Variants in GPRIN3 observed in about 807,000 individuals in gnomAD.
GPRIN3 encodes GPRIN family member 3, also known as G protein-regulated inducer of neurite outgrowth 3.
Under a neutral mutation model 13.7 loss-of-function variants are expected in GPRIN3, and 12 were observed. The ratio of observed to expected loss-of-function variants is 0.87; its 90% CI spans 0.56 to 1.42. The LOEUF is 1.42. GPRIN3 is among the 40% of genes most tolerant of loss of function. The pLI, the probability that GPRIN3 is intolerant of heterozygous loss-of-function variation, is 0.00. For missense variants in GPRIN3, 1,009 were observed against 958.7 expected, an observed-to-expected ratio of 1.05 and a Z score of -0.69; for synonymous variants, 377 against 372.7, an observed-to-expected ratio of 1.01 and a Z score of -0.13.
intron 1 of GPRIN3, among the ~76,000 whole-genome samples, chr4:89,280,462 T>C (rs1397150395): frequency 6.6e-6 from 1 of 152,200 alleles, no homozygotes; most frequent in Non-Finnish European, 1.5e-5. Flanking sequence ...AAGCTTCATG[T>C]CTCTTGTTAG....
At position 89,247,142 on chromosome 4, in the gene GPRIN3, A is replaced by G. The variant is rs1198468873; in HGVS notation, c.*638T>C. The G allele has an allele frequency of 1.3e-5, 2 of 152,262 alleles. No individual in the cohort carries two copies. Among genetic ancestry groups the G allele is most frequent in the Non-Finnish European group, 2.9e-5 (2 of 68,048 alleles). 9.4% of individuals were successfully genotyped at this position (152,262 alleles called of 1,614,324 possible). ...ATATAACTTTCTTATATTTATTAAC[A>G]GCAATAAGAAGGTTTATAAAAAGAG... On this transcript the variant is annotated 3_prime_UTR_variant, in exon 2 of 2. Transcript: ENST00000609438.
chr4:89,280,181 A>G (rs563427277), intron 1 of GPRIN3, among the ~76,000 whole-genome samples: 8 of 152,094 alleles, frequency 5.3e-5, no homozygotes, highest in South Asian at 4.2e-4. Flanking sequence ...AATATCTCCT[A>G]TGTCTACCCA....
rs79191248 is a variant in GPRIN3, at chr4:89,299,296, C to T, written c.-124+8319G>A. On this transcript the variant is annotated intron_variant, in intron 1 of 1. Transcript: ENST00000609438. ...TCGGCACTGTCTTCTCGGAGTGAAG[C>T]TGTTGAAACACCGACACTTTAGGAT... is the stretch of plus-strand genomic sequence containing the variant. Among the ~76,000 whole-genome samples the T allele has an allele frequency of 4.3e-3, 659 of 152,172 alleles. 7 individuals carry two copies. Among genetic ancestry groups the T allele is most frequent in the Middle Eastern group, 0.024 (7 of 294 alleles).
chr4:89,248,460 A>C lies in GPRIN3; in HGVS notation c.1651T>G (p.Ser551Ala), dbSNP rs1388108987. Reference sequence around the variant, plus strand: ...GCATCCGAGGTATCAGTGCCAGTAGACTCTTTTTCTTTTACTACCTGAGGA... The same window carrying C: ...GCATCCGAGGTATCAGTGCCAGTAGCCTCTTTTTCTTTTACTACCTGAGGA... Reference protein sequence around the residue: ...ASPQVVKEKESTGTDTSDAKT... With the variant: ...ASPQVVKEKEATGTDTSDAKT... The change falls in exon 2 of 2, where the codon TCT becomes GCT. Residue 551 changes from serine to alanine, a missense_variant. Ser to Ala is a moderately conservative substitution (Grantham distance 99). Coordinates refer to ENST00000609438, the MANE Select transcript of GPRIN3 (RefSeq NM_198281.3). 16 of 1,612,000 alleles carry C rather than the reference A, an allele frequency of 9.9e-6. No homozygotes were observed. The highest frequency in any genetic ancestry group is 5.9e-6 in the Non-Finnish European group (7 of 1,179,382).
chr4:89,283,918 A>C (rs900114766), intron 1 of GPRIN3, among the ~76,000 whole-genome samples: 3 of 152,210 alleles, frequency 2.0e-5, no homozygotes, highest in African/African-American at 7.2e-5. Context: ...TTTGTAAGTG[A>C]AACTGTGAGA....
In GPRIN3 at chr4:89,248,823, C is replaced by T. The variant is rs1217485364; in HGVS notation, c.1288G>A (p.Ala430Thr). The T allele has an allele frequency of 3.1e-6, 5 of 1,614,034 alleles. No homozygotes were observed. In the South Asian group the frequency reaches 3.3e-5, roughly 11 times the overall value. ...TSSINLVSSN[A>T]QHTCKEDGRL... is the part of the protein sequence containing the mutation. ...CCATCTTCTTTACACGTATGCTGGGCATTACTGGAGACCAAATTGATTGAT... is the reference window on the plus strand; with the variant it reads ...CCATCTTCTTTACACGTATGCTGGGTATTACTGGAGACCAAATTGATTGAT... The change falls in exon 2 of 2, where the codon GCC becomes ACC. Residue 430 changes from alanine (A) to threonine (T), a missense_variant. By Grantham distance (58) the Ala-to-Thr change is moderately conservative. Coordinates refer to ENST00000609438, the MANE Select transcript of GPRIN3 (RefSeq NM_198281.3).
At chr4:89,273,023 T>G (rs1227770693) in intron 1 of GPRIN3, among the ~76,000 whole-genome samples, 2 of 152,206 alleles carry the variant, frequency 1.3e-5, no homozygotes, top group Non-Finnish European at 2.9e-5. Context: ...ACATTTTTTT[T>G]TGTAGATCAT....
chr4:89,277,349 T>C (rs1184868696), intron 1 of GPRIN3, among the ~76,000 whole-genome samples: 1 of 152,222 alleles, frequency 6.6e-6, no homozygotes, highest in Non-Finnish European at 1.5e-5. Context: ...AGGAGGGGTC[T>C]GCAGTCCACA....
chr4:89,244,436 A>G lies in GPRIN3; in HGVS notation c.*3344T>C, dbSNP rs1281872854. On this transcript the variant is annotated 3_prime_UTR_variant, in exon 2 of 2. Coordinates refer to ENST00000609438, the MANE Select transcript of GPRIN3 (RefSeq NM_198281.3). ...AACTTATCAAGGCAGGAAACATACT[A>G]ACACATTTTATAAATATTCAATTTC... 6.6e-6 allele frequency: 1 copy of G among 152,214 alleles called. No homozygotes were observed. The highest frequency in any genetic ancestry group is 1.5e-5 in the Non-Finnish European group (1 of 68,030). 9.4% of individuals were successfully genotyped at this position (152,214 alleles called of 1,614,324 possible).
rs918559057 is a variant in GPRIN3 at position 89,246,646 on chromosome 4, T to A, written c.*1134A>T. On this transcript the variant is annotated 3_prime_UTR_variant, in exon 2 of 2. Transcript: ENST00000609438. ...TACTCCAGCATATATATTTAAGCAA[T>A]TAGATGATAGTAGTCTATGTACAAA... is the stretch of plus-strand genomic sequence containing the variant. The A allele has an allele frequency of 5.3e-5, 8 of 152,204 alleles. No homozygotes were observed. Among genetic ancestry groups the A allele is most frequent in the Non-Finnish European group, 1.2e-4 (8 of 68,036 alleles). The allele number at this position is 152,204 out of a possible 1,614,324, so 9.4% of individuals were successfully genotyped here.
chr4:89,276,872 CAT>C (rs1211279727), intron 1 of GPRIN3, among the ~76,000 whole-genome samples: 2 of 152,060 alleles, frequency 1.3e-5, no homozygotes, highest in Non-Finnish European at 2.9e-5. Context: ...AGTTGGAACT[CAT>C]AATTAATATT....
Position 89,239,281 on chromosome 4 carries a change from G to C in GPRIN3, c.*8499C>G, listed in dbSNP as rs1722862215. 6.6e-6 allele frequency: 1 copy of C among 151,996 alleles called. No homozygotes were observed. The highest frequency in any genetic ancestry group is 1.5e-5 in the Non-Finnish European group (1 of 67,974). The allele number at this position is 151,996 out of a possible 1,614,324, so 9.4% of individuals were successfully genotyped here. A position where few individuals can be genotyped will look rare whatever the true frequency, so the allele number is the denominator to read the frequency against. Reference sequence around the variant, plus strand: ...TAGTTGAGTATTTACACACATAAATGATTCTCATATTGAAAACTGCAATTT... The same window carrying C: ...TAGTTGAGTATTTACACACATAAATCATTCTCATATTGAAAACTGCAATTT... On this transcript the variant is annotated 3_prime_UTR_variant, in exon 2 of 2. Coordinates refer to ENST00000609438, the MANE Select transcript of GPRIN3 (RefSeq NM_198281.3).
intron 1 of GPRIN3, among the ~76,000 whole-genome samples, chr4:89,258,362 A>G (rs1410174849): frequency 6.6e-6 from 1 of 151,896 alleles, no homozygotes; most frequent in Non-Finnish European, 1.5e-5. Context: ...GATTAAAGGC[A>G]TGCACCACAA....
At chr4:89,282,374 C>G (rs1249550333) in intron 1 of GPRIN3, among the ~76,000 whole-genome samples, 1 of 152,128 alleles carries the variant, frequency 6.6e-6, no homozygotes, top group African/African-American at 2.4e-5. Context: ...ATGTTTCCAA[C>G]ATGCCTTGTT....
At chr4:89,277,503 T>C (rs1724127568) in intron 1 of GPRIN3, among the ~76,000 whole-genome samples, 1 of 152,236 alleles carries the variant, frequency 6.6e-6, no homozygotes, top group African/African-American at 2.4e-5. Context: ...GGACCTTATA[T>C]GGTCAGTGGA....
chr4:89,263,934 A>G (rs1367815018), intron 1 of GPRIN3, among the ~76,000 whole-genome samples: 2 of 152,214 alleles, frequency 1.3e-5, no homozygotes, highest in Non-Finnish European at 2.9e-5. Context: ...ATGGGGATAA[A>G]AGAAAACATT....
intron 1 of GPRIN3, among the ~76,000 whole-genome samples, chr4:89,307,246 A>C (rs1725057904): frequency 6.7e-6 from 1 of 149,434 alleles, no homozygotes; most frequent in Non-Finnish European, 1.5e-5. Context: ...AAAGGGGATA[A>C]GCATAGGAAA....
At chr4:89,281,374 G>A (rs1031656517) in intron 1 of GPRIN3, among the ~76,000 whole-genome samples, 3 of 152,012 alleles carry the variant, frequency 2.0e-5, no homozygotes, top group African/African-American at 4.8e-5. Context: ...TGCCCACCTC[G>A]GCTCCCCAAA....
rs1723110762 is a variant in GPRIN3 at position 89,246,689 on chromosome 4, C to T, written c.*1091G>A. ...TGTACAAAAATTGTAAGGAAGCTCA[C>T]ATTCTAATTTGGTGTTGACTACATT... On this transcript the variant is annotated 3_prime_UTR_variant, in exon 2 of 2. Coordinates refer to ENST00000609438, the MANE Select transcript of GPRIN3 (RefSeq NM_198281.3). 6.6e-6 allele frequency: 1 copy of T among 152,182 alleles called. No homozygotes were observed. The highest frequency in any genetic ancestry group is 6.5e-5 in the Admixed American group (1 of 15,282). 9.4% of individuals were successfully genotyped at this position (152,182 alleles called of 1,614,324 possible).
Sources: gnomAD v4.1 joint callset for allele counts (sites outside exome capture counted in the v4.1 genomes callset) on GRCh38, gnomAD v4.1.1 for gene constraint, MANE v1.5 for transcripts, NCBI Gene and HGNC (gene_info 2026-07-23, HGNC 2026-07-21) for gene names.